The following RIMS2 variants were observed in gnomAD, a reference collection of about 807,000 sequenced individuals.
The protein encoded by RIMS2 is regulating synaptic membrane exocytosis 2, also known as regulating synaptic membrane exocytosis protein 2.
A neutral mutation model predicts 174.4 loss-of-function variants in RIMS2; 59 were observed. That is an observed-to-expected ratio of 0.34 (90% CI 0.27 to 0.42). The LOEUF (loss-of-function observed/expected upper bound fraction) is 0.42, where lower values mean the gene tolerates loss of function less well. Among genes scored for constraint, RIMS2 ranks in the 10% least tolerant of loss-of-function variants. The pLI, the probability that RIMS2 is intolerant of heterozygous loss-of-function variation, is 1.00. For synonymous variants in RIMS2, 606 were observed against 572.5 expected, an observed-to-expected ratio of 1.06 and a Z score of -0.84; for missense variants, 1,620 against 1,666.3, an observed-to-expected ratio of 0.97 and a Z score of 0.48.
intron 3 of RIMS2, among the ~76,000 whole-genome samples, chr8:103,842,569 T>C (rs1336215988): frequency 6.6e-6 from 1 of 152,202 alleles, no homozygotes; most frequent in Non-Finnish European, 1.5e-5. Flanking sequence ...GATTTCCTGA[T>C]GTTTAATTAC....
At chr8:103,779,565 A>G (rs918418814) in intron 3 of RIMS2, among the ~76,000 whole-genome samples, 1 of 151,904 alleles carries the variant, frequency 6.6e-6, no homozygotes, top group Non-Finnish European at 1.5e-5. Flanking sequence ...ATCGAATACT[A>G]TGCAGCCATA....
intron 2 of RIMS2, among the ~76,000 whole-genome samples, chr8:103,756,572 C>T (rs1489597617): frequency 2.6e-5 from 4 of 151,606 alleles, no homozygotes; most frequent in Non-Finnish European, 1.5e-5. Flanking sequence ...TGGGGTGGGC[C>T]ACGCCACTAT....
intron 3 of RIMS2, among the ~76,000 whole-genome samples, chr8:103,799,287 G>A (rs551491448): frequency 8.5e-4 from 130 of 152,200 alleles, no homozygotes; most frequent in African/African-American, 3.1e-3. Context: ...CATTTAATTG[G>A]TGGTAATTTT....
In RIMS2 at chr8:103,824,733, A is replaced by T. The variant is rs149455247; in HGVS notation, c.698+58196A>T. On this transcript the variant is annotated intron_variant, in intron 3 of 23. Transcript: ENST00000504942. ...TTGGTTCTAAGAAACACATTTGGAG[A>T]CTTTTTTATTCTACTGCTGTCATTT... 2.6e-5 allele frequency among the ~76,000 whole-genome samples: 4 copies of T among 152,238 alleles called. No homozygotes were observed. In the East Asian group the frequency reaches 7.7e-4, roughly 29 times the overall value.
At chr8:104,251,871 A>AAC (rs2099360303), downstream of RIMS2, 1 of 1,154,320 alleles carries the variant, frequency 8.7e-7, no homozygotes, top group East Asian at 2.3e-5. Context: ...AAAAAAAAAA[A>AAC]AAAAATCACA....
chr8:103,660,128 C>T (rs2096580288), intron 1 of RIMS2, among the ~76,000 whole-genome samples: 1 of 152,218 alleles, frequency 6.6e-6, no homozygotes, highest in Non-Finnish European at 1.5e-5. Flanking sequence ...AAGAGCAGGT[C>T]TTCCACGTCA....
chr8:103,573,230 AT>A (rs147329261), intron 1 of RIMS2, among the ~76,000 whole-genome samples: 2,046 of 139,624 alleles, frequency 0.015, 46 homozygotes, highest in East Asian at 0.047. Flanking sequence ...TAATTTTTGT[AT>A]TTTTTTTTTT....
chr8:103,976,284 C>G (rs573404722), intron 16 of RIMS2: 1 of 152,052 alleles, frequency 6.6e-6, no homozygotes, highest in Non-Finnish European at 1.5e-5. Context: ...ACCTATGTAA[C>G]GAGAGTAAAA....
rs1207135569 is a variant in RIMS2, at chr8:103,767,428, G to T, written c.698+891G>T. Among the ~76,000 whole-genome samples, 3 of 152,032 alleles carry T rather than the reference G, an allele frequency of 2.0e-5. No individual in the cohort carries two copies. The East Asian group carries it at 5.8e-4, about 29-fold the overall frequency. ...GTCTCAATCTCATGACCCGTGATCT[G>T]CCCACCTCGGCCTCCCAAAGTGCTG... On this transcript the variant is annotated intron_variant, in intron 3 of 23. Coordinates refer to ENST00000504942, the Ensembl canonical transcript of RIMS2.
chr8:103,527,759 A>G (rs891488135), intron 1 of RIMS2, among the ~76,000 whole-genome samples: 2 of 152,134 alleles, frequency 1.3e-5, no homozygotes, highest in Admixed American at 1.3e-4. Flanking sequence ...CATGATGTAT[A>G]TGTGCCACAT....
At chr8:103,797,658 G>T (rs959113405) in intron 3 of RIMS2, among the ~76,000 whole-genome samples, 4 of 152,244 alleles carry the variant, frequency 2.6e-5, no homozygotes, top group African/African-American at 9.6e-5. Context: ...TTGATCTTTA[G>T]TGTTCGATTT....
At chr8:103,730,661 A>C (rs2097580504) in intron 2 of RIMS2, among the ~76,000 whole-genome samples, 1 of 152,156 alleles carries the variant, frequency 6.6e-6, no homozygotes, top group Non-Finnish European at 1.5e-5. Context: ...TTTTCTATGT[A>C]GTTACCATTA....
At chr8:104,251,316 A>G (rs2099358429) in intron 23 of RIMS2, among the ~76,000 whole-genome samples, 153 bp downstream of exon 29, 1 of 152,240 alleles carries the variant, frequency 6.6e-6, no homozygotes, top group African/African-American at 2.4e-5. Flanking sequence ...CTATAAAGCA[A>G]TATACGTTGT....
intron 4 of RIMS2, among the ~76,000 whole-genome samples, chr8:103,901,470 G>A (rs1351616549): frequency 6.6e-6 from 1 of 152,108 alleles, no homozygotes; most frequent in Non-Finnish European, 1.5e-5. Flanking sequence ...ACTTGGGCTT[G>A]ATACTTAGCT....
intron 20 of RIMS2, among the ~76,000 whole-genome samples, chr8:104,246,775 T>C (rs1335574019): frequency 1.3e-5 from 2 of 152,008 alleles, no homozygotes; most frequent in African/African-American, 2.4e-5. Context: ...AAGCAGGAGC[T>C]GGCCTGGTGT....
intron 1 of RIMS2, among the ~76,000 whole-genome samples, chr8:103,519,061 C>T (rs906186328): frequency 1.3e-5 from 2 of 152,094 alleles, no homozygotes; most frequent in African/African-American, 4.8e-5. Flanking sequence ...TTCCACTCCA[C>T]CCTTTCATGT....
chr8:104,176,417 C>G (rs1484490516), intron 19 of RIMS2, among the ~76,000 whole-genome samples: 1 of 152,076 alleles, frequency 6.6e-6, no homozygotes, highest in Non-Finnish European at 1.5e-5. Context: ...CATCATCATA[C>G]TCCATTACAG....
intron 1 of RIMS2, among the ~76,000 whole-genome samples, chr8:103,647,896 AT>A (rs71297225): frequency 0.019 from 2,186 of 114,456 alleles, 25 homozygotes; most frequent in African/African-American, 0.029. Context: ...TTTTTTTTTG[AT>A]TTTTTTTTTT....
intron 19 of RIMS2, among the ~76,000 whole-genome samples, chr8:104,100,845 G>GTAATATA: frequency 7.4e-6 from 1 of 135,048 alleles, no homozygotes; most frequent in Non-Finnish European, 1.5e-5. Flanking sequence ...TAATATATAT[G>GTAATATA]TATTATATAT....
Sources: allele counts gnomAD v4.1 joint callset (sites outside exome capture counted in the v4.1 genomes callset), GRCh38; gene constraint gnomAD v4.1.1; transcripts MANE v1.5; gene names NCBI Gene and HGNC (gene_info 2026-07-23, HGNC 2026-07-21).